TRAK1: variants seen among roughly 807,000 people sequenced by gnomAD.
TRAK1 encodes the protein trafficking kinesin protein 1.
In TRAK1, 33 loss-of-function variants were observed where a neutral mutation model predicts 92.1. That is an observed-to-expected ratio of 0.36 (90% CI 0.27 to 0.48). The LOEUF is 0.48. TRAK1 is among the 20% of genes least tolerant of loss of function. The pLI, the probability that TRAK1 is intolerant of heterozygous loss-of-function variation, is 0.99. For synonymous variants in TRAK1, 521 were observed against 517.3 expected (o/e 1.01, Z -0.10); for missense variants, 1,123 against 1,257.9 (o/e 0.89, Z 1.62).
At chr3:42,103,312 C>T (rs1341161552) in intron 1 of TRAK1, among the ~76,000 whole-genome samples, 1 of 152,112 alleles carries the variant, frequency 6.6e-6, no homozygotes, top group Non-Finnish European at 1.5e-5. Context: ...GGATTACAGG[C>T]GTGTGCCACC....
chr3:42,132,531 C>G (rs573850352), intron 2 of TRAK1, among the ~76,000 whole-genome samples: 4 of 152,206 alleles, frequency 2.6e-5, no homozygotes, highest in African/African-American at 7.2e-5. Flanking sequence ...TCACAAAGTG[C>G]TAGGATTATA....
intron 10 of TRAK1, among the ~76,000 whole-genome samples, chr3:42,197,871 C>T (rs912441956): frequency 2.6e-5 from 4 of 152,154 alleles, no homozygotes; most frequent in African/African-American, 4.8e-5. Flanking sequence ...AGTCCCCAGG[C>T]GGTATCTGCT....
intron 7 of TRAK1, 124 bp from the exon 8 acceptor site, chr3:42,192,951 C>T: frequency 7.2e-7 from 1 of 1,386,950 alleles, no homozygotes; most frequent in East Asian, 2.4e-5. Context: ...TGCACCCTCC[C>T]CACTCTACCC....
chr3:42,175,025 T>C (rs1167374735), intron 2 of TRAK1, among the ~76,000 whole-genome samples: 1 of 152,188 alleles, frequency 6.6e-6, no homozygotes, highest in Non-Finnish European at 1.5e-5. Flanking sequence ...AATCTTCTTG[T>C]ACAGATAATA....
At position 42,223,255 on chromosome 3, in the gene TRAK1, C is replaced by T. The variant is rs1378223715; in HGVS notation, c.2380C>T (p.Pro794Ser). 3.7e-6 allele frequency: 6 copies of T among 1,614,116 alleles called. No individual in the cohort carries two copies. The East Asian group carries it at 1.1e-4, about 30-fold the overall frequency. Residue 794 changes from proline (P) to serine (S), a missense_variant, in exon 16 of 16, where the codon CCA becomes TCA. Physicochemically the swap from Pro to Ser is moderately conservative, Grantham distance 74. Coordinates refer to ENST00000327628, the MANE Select transcript of TRAK1 (RefSeq NM_001042646.3). The surrounding 1 kb of genome is among the most constrained non-coding windows in gnomAD (Gnocchi z 6.1). ...GCCTATGCAGACACCCACATCCTCC[C>T]CACCCTCCTTTGAGTTCAAGTGCAC... Reference protein sequence around the residue: ...NSPMQTPTSSPPSFEFKCTSP... With the variant: ...NSPMQTPTSSSPSFEFKCTSP...
At chr3:42,059,487 G>A (rs1703336979) in intron 1 of TRAK1, among the ~76,000 whole-genome samples, 1 of 152,136 alleles carries the variant, frequency 6.6e-6, no homozygotes, top group South Asian at 2.1e-4. Flanking sequence ...TTTCAAAACA[G>A]TGGCTAAAAG....
chr3:42,222,960 T>A lies in TRAK1; in HGVS notation c.2085T>A (p.Thr695=). ...CTTTCAGCCTTAACTCAGCCCCAAC[T>A]CCAGCTTGTGGCAGCACCAGCCACT... ...RVTPSLNSAP[T]PACGSTSHLK... The change falls in exon 16 of 16, where the codon ACT becomes ACA. Residue 695 remains threonine, a synonymous_variant. Transcript: ENST00000327628. The A allele has an allele frequency of 6.2e-7, 1 of 1,613,502 alleles. No individual in the cohort carries two copies. Among genetic ancestry groups the A allele is most frequent in the African/African-American group, 1.3e-5 (1 of 75,002 alleles).
chr3:42,021,218 A>C (rs1701709864), intron 1 of TRAK1, among the ~76,000 whole-genome samples: 1 of 152,172 alleles, frequency 6.6e-6, no homozygotes, highest in Non-Finnish European at 1.5e-5. Flanking sequence ...AGAATTTCTG[A>C]GACAATTGGT....
intron 14 of TRAK1, chr3:42,217,947 A>T: frequency 1.0e-6 from 1 of 984,268 alleles, no homozygotes; most frequent in South Asian, 4.7e-5. Context: ...GGCTATTTTT[A>T]TGTGTTTTTT....
rs577933367 is a variant in TRAK1 at position 42,099,414 on chromosome 3, G to A, written c.91+7854G>A. On this transcript the variant is annotated intron_variant, in intron 1 of 15. Transcript: ENST00000327628. ...GGCACCAACTCCAGACCTGAGTGCG[G>A]CAGCTCAGAGCAAGACCCTAATCTT... Among the ~76,000 whole-genome samples the A allele has an allele frequency of 6.6e-5, 10 of 152,324 alleles. 1 individual carries two copies. The South Asian group carries it at 2.1e-3, about 32-fold the overall frequency.
intron 1 of TRAK1, among the ~76,000 whole-genome samples, chr3:42,107,548 A>G (rs1707761721): frequency 6.6e-6 from 1 of 152,074 alleles, no homozygotes; most frequent in African/African-American, 2.4e-5. Context: ...AATTATTTAT[A>G]AACAAGAAAC....
chr3:42,086,758 C>T (rs968720051), upstream of TRAK1, among the ~76,000 whole-genome samples: 3 of 152,092 alleles, frequency 2.0e-5, no homozygotes, highest in African/African-American at 7.2e-5. Flanking sequence ...ATTCCATATA[C>T]AAATAAAAAT....
At chr3:42,220,732 C>T (rs1048198191) in intron 15 of TRAK1, 2 of 433,844 alleles carry the variant, frequency 4.6e-6, no homozygotes, top group Non-Finnish European at 6.1e-6. Context: ...CCTTGATGGT[C>T]GATGCCCCTA....
At chr3:42,210,366 C>T (rs1336326455) in intron 14 of TRAK1, 1 of 1,317,206 alleles carries the variant, frequency 7.6e-7, no homozygotes, top group East Asian at 2.7e-5. Context: ...GTGCATGGCC[C>T]ATCAGGGATC....
intron 1 of TRAK1, among the ~76,000 whole-genome samples, chr3:42,112,695 C>T (rs1372519287): frequency 4.9e-5 from 7 of 142,872 alleles, no homozygotes. Flanking sequence ...AAGATTATGC[C>T]ACTGCACTCT....
At chr3:42,086,301 C>T (rs1364876894), upstream of TRAK1, among the ~76,000 whole-genome samples, 2 of 136,740 alleles carry the variant, frequency 1.5e-5, no homozygotes, top group Non-Finnish European at 3.1e-5. Context: ...TCAGATTCTT[C>T]TTTTTCTTTC....
chr3:42,108,470 G>A (rs1341906310), intron 1 of TRAK1, among the ~76,000 whole-genome samples: 1 of 145,282 alleles, frequency 6.9e-6, no homozygotes. Flanking sequence ...CAGCGTGGGT[G>A]ACAGGAGTGA....
intron 2 of TRAK1, among the ~76,000 whole-genome samples, chr3:42,130,403 A>C (rs1454009792): frequency 2.0e-5 from 3 of 152,122 alleles, no homozygotes; most frequent in Non-Finnish European, 4.4e-5. Flanking sequence ...TTTCCTAAGA[A>C]GAGAAGGTTA....
intron 14 of TRAK1, chr3:42,218,271 T>C: frequency 1.0e-6 from 1 of 985,402 alleles, no homozygotes; most frequent in Non-Finnish European, 1.2e-6. Context: ...AGCAACCAAT[T>C]CCATTGTTTT....
Sources: gnomAD v4.1 joint callset for allele counts (sites outside exome capture counted in the v4.1 genomes callset) on GRCh38, gnomAD v4.1.1 for gene constraint, Gnocchi (gnomAD v3.1) non-coding constraint, MANE v1.5 for transcripts, NCBI Gene and HGNC (gene_info 2026-07-23, HGNC 2026-07-21) for gene names.